Variants in CSRNP3 observed in about 807,000 individuals in gnomAD.
The protein encoded by CSRNP3 is cysteine/serine-rich nuclear protein 3.
In CSRNP3, 12 loss-of-function variants were observed where a neutral mutation model predicts 48.0. The ratio of observed to expected loss-of-function variants is 0.25; its 90% CI spans 0.16 to 0.41. The LOEUF (loss-of-function observed/expected upper bound fraction) is 0.41, where lower values mean the gene tolerates loss of function less well. CSRNP3 is among the 10% of genes least tolerant of loss of function. The pLI, the probability that CSRNP3 is intolerant of heterozygous loss-of-function variation, is 1.00. For synonymous variants in CSRNP3, 263 were observed against 269.7 expected (o/e 0.98, Z 0.24); for missense variants, 580 against 724.4 (o/e 0.80, Z 2.29).
intron 4 of CSRNP3, among the ~76,000 whole-genome samples, chr2:165,640,236 T>C (rs1413784258): frequency 2.0e-5 from 3 of 152,240 alleles, no homozygotes; most frequent in Non-Finnish European, 4.4e-5. Context: ...CAAATATTTA[T>C]TTAATCCTCA....
rs1553469309 is a variant in CSRNP3 at position 165,477,485 on chromosome 2, T to TATAG, written c.-283+7748_-283+7749insGATA. Among the ~76,000 whole-genome samples, 6 of 120,676 alleles carry TATAG rather than the reference T, an allele frequency of 5.0e-5. 1 individual carries two copies. Among genetic ancestry groups the TATAG allele is most frequent in the African/African-American group, 1.9e-4 (6 of 30,880 alleles). The allele number at this position is 120,676 out of a possible 152,430, so 79.2% of individuals were successfully genotyped here. ...AATACAAATATATATATATATGAAA[T>TATAG]ATATATATATATAATACAAATATAT... On this transcript the variant is annotated intron_variant, in intron 1 of 6. Coordinates refer to ENST00000651982, the MANE Select transcript of CSRNP3 (RefSeq NM_001172173.2).
chr2:165,637,686 A>G (rs1296175452), intron 4 of CSRNP3, among the ~76,000 whole-genome samples: 2 of 152,230 alleles, frequency 1.3e-5, no homozygotes. Flanking sequence ...TAGCAATGCC[A>G]TTTCATGAAT....
chr2:165,677,333 C>A (rs1351092663), intron 6 of CSRNP3, among the ~76,000 whole-genome samples: 1 of 152,140 alleles, frequency 6.6e-6, no homozygotes, highest in Non-Finnish European at 1.5e-5. Flanking sequence ...ATATGGCCCA[C>A]AAAGCATAAA....
chr2:165,588,972 AAAAT>A, intron 3 of CSRNP3, among the ~76,000 whole-genome samples: 1 of 152,288 alleles, frequency 6.6e-6, no homozygotes, highest in South Asian at 2.1e-4. Context: ...CTAACAAATA[AAAAT>A]AAATAAATTA....
At chr2:165,486,176 T>G (rs373544113) in intron 1 of CSRNP3, among the ~76,000 whole-genome samples, 19 of 152,140 alleles carry the variant, frequency 1.2e-4, no homozygotes, top group Non-Finnish European at 2.5e-4. Flanking sequence ...GTCAAATAAA[T>G]GGGTGACGGA....
In CSRNP3 at chr2:165,491,950, T is replaced by TAA. The variant is rs560385044; in HGVS notation, c.-282-2793_-282-2792dup. ...ATGTACCCTAAAACTTAAAGTATAA[T>TAA]AAAAAAAAAAAAAAAAACAAAGCTA... is the stretch of plus-strand genomic sequence containing the variant. On this transcript the variant is annotated intron_variant, in intron 1 of 6. Transcript: ENST00000651982. 1.1e-3 allele frequency among the ~76,000 whole-genome samples: 115 copies of TAA among 104,590 alleles called. 1 individual carries two copies. Among genetic ancestry groups the TAA allele is most frequent in the African/African-American group, 3.5e-3 (100 of 28,260 alleles). 68.6% of individuals were successfully genotyped at this position (104,590 alleles called of 152,430 possible).
chr2:165,644,296 T>A (rs1256590947), intron 4 of CSRNP3, among the ~76,000 whole-genome samples: 1 of 152,214 alleles, frequency 6.6e-6, no homozygotes, highest in Non-Finnish European at 1.5e-5. Flanking sequence ...TAATTTTTTC[T>A]TTGAAAAATA....
Position 165,679,346 on chromosome 2 carries a change from T to A in CSRNP3, c.1351T>A (p.Ser451Thr). Residue 451 changes from serine to threonine, a missense_variant, in exon 7 of 7, where the codon TCT becomes ACT. By Grantham distance (58) the Ser-to-Thr change is moderately conservative. Transcript: ENST00000651982. Reference sequence around the variant, plus strand: ...CATTCCAGGAACTCCAAATCAGATCTCTGAGAACTATTCTGAAAGAGACAC... The same window carrying A: ...CATTCCAGGAACTCCAAATCAGATCACTGAGAACTATTCTGAAAGAGACAC... ...SHIPGTPNQISENYSERDTVK... is the reference protein window; with the variant it reads ...SHIPGTPNQITENYSERDTVK... 2 of 1,613,706 alleles carry A rather than the reference T, an allele frequency of 1.2e-6. No homozygotes were observed. Among genetic ancestry groups the A allele is most frequent in the Non-Finnish European group, 8.5e-7 (1 of 1,179,904 alleles).
Position 165,679,811 on chromosome 2 carries a change from G to T in CSRNP3, c.*58G>T. ...TTATTTAAGGCACTGTATTTAATTG[G>T]ATTTCCTGGGCTCATCATTGTTTAA... On this transcript the variant is annotated 3_prime_UTR_variant, in exon 7 of 7. Transcript: ENST00000651982. 1 of 1,545,678 alleles carries T rather than the reference G, an allele frequency of 6.5e-7. No homozygotes were observed. Among genetic ancestry groups the T allele is most frequent in the African/African-American group, 1.4e-5 (1 of 72,924 alleles).
chr2:165,550,512 A>G (rs941973522), intron 3 of CSRNP3, among the ~76,000 whole-genome samples: 1 of 152,188 alleles, frequency 6.6e-6, no homozygotes, highest in Non-Finnish European at 1.5e-5. Context: ...TAGCTGTTCT[A>G]ATTTGCTTTA....
chr2:165,613,680 G>C (rs1351230870), intron 4 of CSRNP3, among the ~76,000 whole-genome samples: 4 of 152,070 alleles, frequency 2.6e-5, no homozygotes, highest in Non-Finnish European at 5.9e-5. Flanking sequence ...GTATGTTCTT[G>C]CCAGCTCTGT....
At chr2:165,677,558 A>T (rs973423181) in intron 6 of CSRNP3, among the ~76,000 whole-genome samples, 1 of 150,376 alleles carries the variant, frequency 6.6e-6, no homozygotes, top group Non-Finnish European at 1.5e-5. Flanking sequence ...GTTGCTTAAG[A>T]TGGGTTCACA....
At chr2:165,678,635 A>C in intron 6 of CSRNP3, 66 bp from the exon 7 acceptor site, 1 of 1,531,992 alleles carries the variant, frequency 6.5e-7, no homozygotes, top group Non-Finnish European at 8.8e-7. Flanking sequence ...AAGTTACTGA[A>C]AAGTTCTGGG....
chr2:165,545,343 A>G lies in CSRNP3; in HGVS notation c.-24+27382A>G, dbSNP rs180844742. On this transcript the variant is annotated intron_variant, in intron 3 of 6. Transcript: ENST00000651982. ...GTTAATATTATAAGTGGGAAAAATA[A>G]CAGCATGCCTAGGTTGAGAATAATC... Among the ~76,000 whole-genome samples the G allele has an allele frequency of 2.0e-5, 3 of 152,296 alleles. No individual in the cohort carries two copies. The East Asian group carries it at 5.8e-4, about 29-fold the overall frequency.
intron 3 of CSRNP3, among the ~76,000 whole-genome samples, chr2:165,592,840 C>T (rs2105293107): frequency 7.7e-6 from 1 of 129,092 alleles, no homozygotes; most frequent in South Asian, 2.4e-4. Flanking sequence ...CTCGCTCTGT[C>T]GCCCAGGCTG....
chr2:165,512,226 C>T (rs1348872930), intron 2 of CSRNP3, among the ~76,000 whole-genome samples: 1 of 151,836 alleles, frequency 6.6e-6, no homozygotes, highest in Non-Finnish European at 1.5e-5. Flanking sequence ...TTTTTCAATC[C>T]CTTCTGTGGT....
chr2:165,664,077 C>T (rs551667579), intron 5 of CSRNP3, among the ~76,000 whole-genome samples: 1 of 152,126 alleles, frequency 6.6e-6, no homozygotes, highest in Non-Finnish European at 1.5e-5. Context: ...TGTTGAAATT[C>T]TCATAAGCTA....
At chr2:165,518,217 A>G (rs1322633024) in intron 3 of CSRNP3, among the ~76,000 whole-genome samples, 1 of 151,998 alleles carries the variant, frequency 6.6e-6, no homozygotes, top group East Asian at 1.9e-4. Context: ...GGGTAGCACT[A>G]TTAGCATAAA....
At chr2:165,637,682 T>A (rs1428066165) in intron 4 of CSRNP3, among the ~76,000 whole-genome samples, 3 of 152,246 alleles carry the variant, frequency 2.0e-5, no homozygotes, top group Non-Finnish European at 2.9e-5. Flanking sequence ...TTTATAGCAA[T>A]GCCATTTCAT....
Sources: allele counts gnomAD v4.1 joint callset (sites outside exome capture counted in the v4.1 genomes callset), GRCh38; gene constraint gnomAD v4.1.1; transcripts MANE v1.5; gene names NCBI Gene and HGNC (gene_info 2026-07-23, HGNC 2026-07-21).